The following TENM4 variants were observed in gnomAD, a reference collection of about 807,000 sequenced individuals.
The protein encoded by TENM4 is teneurin transmembrane protein 4.
TENM4 carries 82 observed loss-of-function variants against 243.3 expected under a neutral mutation model. The observed-to-expected ratio is 0.34, with a 90% confidence interval of 0.28 to 0.40. TENM4 has a LOEUF of 0.40. Among genes scored for constraint, TENM4 ranks in the 10% least tolerant of loss-of-function variants. TENM4 has a pLI of 1.00. For missense variants in TENM4, 3,138 were observed against 3,673.3 expected, an observed-to-expected ratio of 0.85 and a Z score of 3.77; for synonymous variants, 1,412 against 1,456.3, an observed-to-expected ratio of 0.97 and a Z score of 0.69.
At chr11:78,969,561 A>G (rs1327637370) in intron 6 of TENM4, among the ~76,000 whole-genome samples, 1 of 152,254 alleles carries the variant, frequency 6.6e-6, no homozygotes, top group South Asian at 2.1e-4. Flanking sequence ...TTAACAAAAT[A>G]TACTTTTTAA....
intron 4 of TENM4, among the ~76,000 whole-genome samples, chr11:79,113,365 C>A (rs909166528): frequency 2.7e-5 from 4 of 150,088 alleles, no homozygotes; most frequent in Non-Finnish European, 4.5e-5. Flanking sequence ...GGGATTCTGT[C>A]TGAGTTACTC....
At chr11:79,358,163 G>A (rs1857528629) in intron 1 of TENM4, among the ~76,000 whole-genome samples, 1 of 152,326 alleles carries the variant, frequency 6.6e-6, no homozygotes, top group East Asian at 1.9e-4. Flanking sequence ...GCTAGATGAG[G>A]AATCCTCCCA....
chr11:79,207,659 G>A (rs1289283177), intron 3 of TENM4, among the ~76,000 whole-genome samples: 2 of 151,938 alleles, frequency 1.3e-5, no homozygotes, highest in Non-Finnish European at 2.9e-5. Context: ...GAGCTCAGGA[G>A]GTTGAGACCA....
At chr11:78,865,115 A>T (rs1858936463) in intron 9 of TENM4, among the ~76,000 whole-genome samples, 1 of 152,228 alleles carries the variant, frequency 6.6e-6, no homozygotes, top group Non-Finnish European at 1.5e-5. Context: ...AAGGTTAATT[A>T]AAATTAAGAT....
At chr11:78,960,127 G>A (rs1857286540) in intron 6 of TENM4, among the ~76,000 whole-genome samples, 1 of 152,060 alleles carries the variant, frequency 6.6e-6, no homozygotes, top group Non-Finnish European at 1.5e-5. Flanking sequence ...ACAAAGCTGG[G>A]TCTGGAACCA....
intron 1 of TENM4, among the ~76,000 whole-genome samples, chr11:79,383,139 C>A (rs905706352): frequency 1.3e-5 from 2 of 152,178 alleles, no homozygotes; most frequent in African/African-American, 2.4e-5. Flanking sequence ...CCTTTCTGGC[C>A]ACCCCTCACT....
chr11:78,662,682 C>A (rs1198453057), intron 32 of TENM4, among the ~76,000 whole-genome samples: 1 of 152,148 alleles, frequency 6.6e-6, no homozygotes, highest in East Asian at 1.9e-4. Context: ...TGAAGAGGAC[C>A]AGTCACCTGG....
chr11:78,988,608 G>A (rs1324721778), intron 6 of TENM4, among the ~76,000 whole-genome samples: 1 of 152,174 alleles, frequency 6.6e-6, no homozygotes, highest in Admixed American at 6.5e-5. Context: ...GAGCTCAGAT[G>A]CAGGTAGCTG....
chr11:79,209,235 G>T lies in TENM4; in HGVS notation c.-163+6573C>A, dbSNP rs200493683. On this transcript the variant is annotated intron_variant, in intron 3 of 33. Coordinates refer to ENST00000278550, the MANE Select transcript of TENM4 (RefSeq NM_001098816.3). Reference sequence around the variant, plus strand: ...TAGGTAAAGAAGGATTGCATCAAAGGGGTTTTGGAAGAGCAGCAACATCCA... The same window carrying T: ...TAGGTAAAGAAGGATTGCATCAAAGTGGTTTTGGAAGAGCAGCAACATCCA... Among the ~76,000 whole-genome samples the T allele has an allele frequency of 5.9e-5, 9 of 152,278 alleles. No homozygotes were observed. In the East Asian group the frequency reaches 1.7e-3, roughly 29 times the overall value.
intron 30 of TENM4, among the ~76,000 whole-genome samples, chr11:78,674,858 G>A (rs1410530753): frequency 6.6e-6 from 1 of 151,522 alleles, no homozygotes; most frequent in Admixed American, 6.6e-5. Flanking sequence ...AGCTGCTGTG[G>A]GCCTATTTTC....
intron 6 of TENM4, among the ~76,000 whole-genome samples, chr11:78,953,179 G>A (rs1201031454): frequency 6.6e-6 from 1 of 152,186 alleles, no homozygotes; most frequent in African/African-American, 2.4e-5. Context: ...ATGGGGACTG[G>A]AAACAGCATA....
chr11:78,823,877 C>CTGA (rs1857791792), intron 12 of TENM4, among the ~76,000 whole-genome samples: 1 of 152,170 alleles, frequency 6.6e-6, no homozygotes, highest in African/African-American at 2.4e-5. Context: ...TTGATAATAG[C>CTGA]TGATAAGTGC....
At chr11:79,079,831 CAAAAAAAAAAA>C (rs34296723) in intron 4 of TENM4, among the ~76,000 whole-genome samples, 2 of 114,648 alleles carry the variant, frequency 1.7e-5, no homozygotes, top group African/African-American at 3.2e-5. Flanking sequence ...CACTTTGTTT[CAAAAAAAAAAA>C]AAAAAAAGAA....
chr11:79,074,113 G>A (rs141544174), intron 4 of TENM4, among the ~76,000 whole-genome samples: 429 of 152,250 alleles, frequency 2.8e-3, no homozygotes, highest in Middle Eastern at 0.01. Context: ...GCTGAGGCAG[G>A]GAGAACATTC....
intron 1 of TENM4, among the ~76,000 whole-genome samples, chr11:79,423,204 A>G (rs1181745624): frequency 6.6e-6 from 1 of 152,198 alleles, no homozygotes; most frequent in Non-Finnish European, 1.5e-5. Context: ...ACATTGACTA[A>G]GCACCTACCA....
In TENM4 at chr11:79,409,099, TGTGCGCGC is replaced by T. The variant is rs1407182853; in HGVS notation, c.-321+31402_-321+31409del. On this transcript the variant is annotated intron_variant, in intron 1 of 33. Transcript: ENST00000278550. ...GTGTGTGTGTGTGTGTGTGTGTGTG[TGTGCGCGC>T]GCGCGCGTGCGTGCACGCGCACGCA... Among the ~76,000 whole-genome samples, 499 of 101,078 alleles carry T rather than the reference TGTGCGCGC, an allele frequency of 4.9e-3. 5 individuals are homozygous for T. Among genetic ancestry groups the T allele is most frequent in the South Asian group, 0.028 (96 of 3,406 alleles). The allele number at this position is 101,078 out of a possible 152,430, so 66.3% of individuals were successfully genotyped here.
intron 28 of TENM4, among the ~76,000 whole-genome samples, chr11:78,693,466 G>C (rs1858877061): frequency 6.6e-6 from 1 of 152,156 alleles, no homozygotes; most frequent in Non-Finnish European, 1.5e-5. Flanking sequence ...AAAAATCTTT[G>C]GGTTCATCAC....
intron 3 of TENM4, among the ~76,000 whole-genome samples, chr11:79,205,629 T>C (rs1201530837): frequency 2.6e-5 from 4 of 152,216 alleles, no homozygotes; most frequent in Non-Finnish European, 4.4e-5. Flanking sequence ...TCATCCAAAT[T>C]GTTATACATA....
intron 12 of TENM4, among the ~76,000 whole-genome samples, chr11:78,827,817 G>T (rs369582976): frequency 6.6e-6 from 1 of 152,120 alleles, no homozygotes; most frequent in Non-Finnish European, 1.5e-5. Context: ...TACCTCTTTC[G>T]TGAAGGTCCC....
Sources: gnomAD v4.1 joint callset for allele counts (sites outside exome capture counted in the v4.1 genomes callset) on GRCh38, gnomAD v4.1.1 for gene constraint, MANE v1.5 for transcripts, NCBI Gene and HGNC (gene_info 2026-07-23, HGNC 2026-07-21) for gene names.